CNKSR2: variants seen among roughly 807,000 people sequenced by gnomAD.
CNKSR2 encodes CNK homolog protein 2.
In CNKSR2, 14 loss-of-function variants were observed where a neutral mutation model predicts 84.4. That is an observed-to-expected ratio of 0.17 (90% CI 0.11 to 0.26). CNKSR2 has a LOEUF of 0.26. Ranked by LOEUF, CNKSR2 falls within the 10% of genes least tolerant of loss-of-function variation. CNKSR2 has a pLI of 1.00. For synonymous variants in CNKSR2, 275 were observed against 277.9 expected (o/e 0.99, Z 0.10); for missense variants, 485 against 771.2 (o/e 0.63, Z 4.40).
rs147096378 is a variant in CNKSR2, at chrX:21,439,633, A to G, written c.432-1061A>G. ...TCAATCAAAATGTAAAGGTTAATGAACAAATATTACAGATAACTTCACATA... is the reference window on the plus strand; with the variant it reads ...TCAATCAAAATGTAAAGGTTAATGAGCAAATATTACAGATAACTTCACATA... On this transcript the variant is annotated intron_variant, in intron 3 of 21. Coordinates refer to ENST00000379510, the MANE Select transcript of CNKSR2 (RefSeq NM_014927.5). 8.4e-3 allele frequency among the ~76,000 whole-genome samples: 937 copies of G among 110,969 alleles called. 6 individuals carry two copies. Among genetic ancestry groups the G allele is most frequent in the African/African-American group, 0.028 (846 of 30,698 alleles).
At chrX:21,455,657 A>G (rs908636515) in intron 4 of CNKSR2, among the ~76,000 whole-genome samples, 2 of 112,309 alleles carry the variant, frequency 1.8e-5, no homozygotes, top group Admixed American at 1.9e-4. Context: ...TGTCAGTGGC[A>G]TATTTGATCA....
At chrX:21,530,753 C>G (rs1254730681) in intron 10 of CNKSR2, among the ~76,000 whole-genome samples, 1 of 110,696 alleles carries the variant, frequency 9.0e-6, no homozygotes, top group Admixed American at 9.6e-5. Flanking sequence ...GCTTTTCTGA[C>G]AAAAAGTTCA....
At chrX:21,513,397 A>G (rs906821856) in intron 8 of CNKSR2, among the ~76,000 whole-genome samples, 13 of 112,133 alleles carry the variant, frequency 1.2e-4, no homozygotes, top group African/African-American at 3.6e-4. Context: ...TCATGTTTCT[A>G]CCCACTCTAT....
intron 3 of CNKSR2, among the ~76,000 whole-genome samples, chrX:21,433,555 T>C (rs1311520498): frequency 9.1e-6 from 1 of 109,626 alleles, no homozygotes; most frequent in African/African-American, 3.3e-5. Context: ...ATAATCAAAT[T>C]TTAAAAATGC....
chrX:21,538,949 G>A (rs985512118), intron 11 of CNKSR2: 1 of 111,984 alleles, frequency 8.9e-6, no homozygotes, highest in Non-Finnish European at 1.9e-5. Flanking sequence ...CACATTGAGG[G>A]TGGGTCTTCT....
At chrX:21,576,937 A>G (rs1005258671) in intron 13 of CNKSR2, among the ~76,000 whole-genome samples, 1 of 111,733 alleles carries the variant, frequency 8.9e-6, no homozygotes, top group African/African-American at 3.2e-5. Flanking sequence ...TGAGTGTGGG[A>G]ATAAGGAATT....
chrX:21,395,397 A>C (rs2090107520), intron 1 of CNKSR2, among the ~76,000 whole-genome samples: 1 of 111,824 alleles, frequency 8.9e-6, no homozygotes, highest in Non-Finnish European at 1.9e-5. Flanking sequence ...TGATATTGAC[A>C]TGTTTCTAAA....
In CNKSR2 at chrX:21,376,100, G is replaced by A. The variant is rs761869320; in HGVS notation, c.64+1139G>A. ...AGTCAGGGACCAAAGGCTTATTATC[G>A]CTGAAAATGCCCGTTCCTACGATGA... On this transcript the variant is annotated intron_variant, in intron 1 of 21. Coordinates refer to ENST00000379510, the MANE Select transcript of CNKSR2 (RefSeq NM_014927.5). Among the ~76,000 whole-genome samples, 3 of 112,471 alleles carry A rather than the reference G, an allele frequency of 2.7e-5. No homozygotes were observed. In the South Asian group the frequency reaches 1.1e-3, roughly 41 times the overall value.
intron 11 of CNKSR2, among the ~76,000 whole-genome samples, chrX:21,543,869 C>T (rs2091997808): frequency 9.1e-6 from 1 of 109,678 alleles, no homozygotes; most frequent in Non-Finnish European, 1.9e-5. Context: ...GTTACCCAGT[C>T]TGTAGTGCAA....
chrX:21,382,944 G>A (rs2089919192), intron 1 of CNKSR2, among the ~76,000 whole-genome samples: 1 of 112,225 alleles, frequency 8.9e-6, no homozygotes, highest in Admixed American at 9.4e-5. Flanking sequence ...GGTGCCTCAA[G>A]TGGATTTTCT....
At chrX:21,435,714 A>G (rs1204841703) in intron 3 of CNKSR2, among the ~76,000 whole-genome samples, 1 of 111,841 alleles carries the variant, frequency 8.9e-6, no homozygotes, top group Non-Finnish European at 1.9e-5. Flanking sequence ...AAATCGATCT[A>G]TACTCAGAAG....
At chrX:21,562,160 T>C (rs1180994635) in intron 12 of CNKSR2, among the ~76,000 whole-genome samples, 3 of 111,107 alleles carry the variant, frequency 2.7e-5, no homozygotes, top group Non-Finnish European at 3.8e-5. Context: ...GCTATAGAGA[T>C]GAGCAATAGA....
intron 1 of CNKSR2, among the ~76,000 whole-genome samples, chrX:21,391,479 T>A (rs139246837): frequency 1.8e-5 from 2 of 112,227 alleles, no homozygotes; most frequent in South Asian, 7.4e-4. Flanking sequence ...ACCCTCTGGA[T>A]CAGCAGCCTA....
In CNKSR2 at chrX:21,594,881, T is replaced by C. The variant is rs780687534; in HGVS notation, c.1831-93T>C. The C allele has an allele frequency of 5.2e-5, 32 of 610,670 alleles. No individual in the cohort carries two copies. In the Admixed American group the frequency reaches 1.0e-3, roughly 19 times the overall value. 50.3% of individuals were successfully genotyped at this position (610,670 alleles called of 1,213,427 possible). A position where few individuals can be genotyped will look rare whatever the true frequency, so the allele number is the denominator to read the frequency against. ...AATTTAAGGAATTAAAGGAACGGAT[T>C]TATTAGTACAGATATCTAAGCCATA... On this transcript the variant is annotated intron_variant, in intron 15 of 21. Transcript: ENST00000379510.
intron 11 of CNKSR2, chrX:21,532,289 C>A (rs970715561): frequency 1.6e-5 from 4 of 256,848 alleles, no homozygotes; most frequent in Non-Finnish European, 2.1e-5. Context: ...CAGTAGGTAA[C>A]ATTGTAGCTC....
intron 13 of CNKSR2, among the ~76,000 whole-genome samples, chrX:21,585,372 A>C (rs2092379812): frequency 9.3e-6 from 1 of 107,710 alleles, no homozygotes; most frequent in Non-Finnish European, 1.9e-5. Flanking sequence ...TATTTCAGTA[A>C]TCCAGGTGAG....
chrX:21,473,745 G>GTT (rs768497403), intron 5 of CNKSR2, among the ~76,000 whole-genome samples: 45 of 67,224 alleles, frequency 6.7e-4, no homozygotes, highest in Non-Finnish European at 9.2e-4. Flanking sequence ...TGTTGGTTTG[G>GTT]TTTTTTTTTT....
chrX:21,422,576 A>G (rs2090511935), intron 1 of CNKSR2, among the ~76,000 whole-genome samples: 1 of 112,703 alleles, frequency 8.9e-6, no homozygotes, highest in Non-Finnish European at 1.9e-5. Flanking sequence ...TATTTGGTCT[A>G]CAATACAATG....
chrX:21,591,375 G>A (rs1371050300), intron 15 of CNKSR2, 181 bp downstream of exon 15: 1 of 317,410 alleles, frequency 3.2e-6, no homozygotes, highest in Non-Finnish European at 5.5e-6. Flanking sequence ...AAAGATAGCT[G>A]TCTCAATTAT....
Sources: gnomAD v4.1 joint callset for allele counts (sites outside exome capture counted in the v4.1 genomes callset) on GRCh38, gnomAD v4.1.1 for gene constraint, MANE v1.5 for transcripts, NCBI Gene and HGNC (gene_info 2026-07-23, HGNC 2026-07-21) for gene names.